Variants in HOOK3 observed in about 807,000 individuals in gnomAD.
The protein encoded by HOOK3 is protein Hook homolog 3.
Under a neutral mutation model 116.3 loss-of-function variants are expected in HOOK3, and 24 were observed. That is an observed-to-expected ratio of 0.21 (90% confidence interval 0.15 to 0.29). The LOEUF (loss-of-function observed/expected upper bound fraction) is 0.29, where lower values mean the gene tolerates loss of function less well. Ranked by LOEUF, HOOK3 falls within the 10% of genes least tolerant of loss-of-function variation. HOOK3 has a pLI of 1.00. For missense variants in HOOK3, 632 were observed against 830.2 expected (o/e 0.76, Z 2.93); for synonymous variants, 275 against 283.0 (o/e 0.97, Z 0.28).
chr8:43,009,390 CAA>C (rs915555326), intron 18 of HOOK3, among the ~76,000 whole-genome samples: 3 of 122,466 alleles, frequency 2.4e-5, no homozygotes, highest in Non-Finnish European at 1.7e-5. Context: ...AGACTGTCTC[CAA>C]AAAAAAAAAG....
intron 16 of HOOK3, chr8:42,997,986 C>A: frequency 4.1e-6 from 1 of 244,776 alleles, no homozygotes; most frequent in South Asian, 4.9e-5. Context: ...TTGGAGTGTT[C>A]AAGTAGAAAT....
In HOOK3 at chr8:43,029,439, C is replaced by T. The variant is rs921121204; in HGVS notation, c.*10941C>T. The stretch of plus-strand genomic sequence containing the variant: ...CTGGGATTACAGGCATGAGCCACTG[C>T]GCCCGGCCCAAATCTTTTATTTTTT... On this transcript the variant is annotated 3_prime_UTR_variant, in exon 22 of 22. Coordinates refer to ENST00000307602, the MANE Select transcript of HOOK3 (RefSeq NM_032410.4). 1.1e-5 allele frequency: 2 copies of T among 175,862 alleles called. No homozygotes were observed. Among genetic ancestry groups the T allele is most frequent in the Admixed American group, 6.3e-5 (1 of 15,768 alleles). The allele number at this position is 175,862 out of a possible 1,614,324, so 10.9% of individuals were successfully genotyped here.
chr8:42,940,613 G>C (rs1808095206), intron 4 of HOOK3, among the ~76,000 whole-genome samples: 1 of 152,206 alleles, frequency 6.6e-6, no homozygotes, highest in African/African-American at 2.4e-5. Context: ...TCTGCAGAGA[G>C]ATCTGCTGTT....
chr8:42,959,476 C>T (rs529164693), intron 8 of HOOK3, among the ~76,000 whole-genome samples, 162 bp downstream of exon 8: 9 of 151,996 alleles, frequency 5.9e-5, no homozygotes, highest in Admixed American at 2.0e-4. Context: ...CCCAGCACTT[C>T]GGGAGGCTGA....
chr8:42,934,375 A>G (rs1563294703), intron 4 of HOOK3, among the ~76,000 whole-genome samples: 1 of 151,776 alleles, frequency 6.6e-6, no homozygotes, highest in Non-Finnish European at 1.5e-5. Flanking sequence ...TTAATCATAG[A>G]TTTTTTTTAC....
intron 5 of HOOK3, among the ~76,000 whole-genome samples, chr8:42,945,083 T>C (rs1808201403): frequency 1.3e-5 from 2 of 152,126 alleles, no homozygotes; most frequent in Admixed American, 1.3e-4. Flanking sequence ...TCGCAGGCAA[T>C]CTCAAGGACT....
Position 42,906,207 on chromosome 8 carries a change from C to T in HOOK3, c.92C>T (p.Thr31Ile). The change falls in exon 2 of 22, where the codon ACC (threonine) becomes ATC (isoleucine). Residue 31 changes from threonine to isoleucine, a missense_variant. Thr to Ile is a moderately conservative substitution (Grantham distance 89). This residue lies in a region of HOOK3 where 141 missense variants were observed against 150.8 expected (regional missense o/e 0.93). Coordinates refer to ENST00000307602, the MANE Select transcript of HOOK3 (RefSeq NM_032410.4). ...QTFNVDAPCQ[T>I]VEDLTNGVVM... ...TTTAATGTGGATGCACCATGCCAGA[C>T]CGTGGAAGATTTAACGAATGGGGTT... 1 of 1,486,222 alleles carries T rather than the reference C, an allele frequency of 6.7e-7. No homozygotes were observed. Among genetic ancestry groups the T allele is most frequent in the South Asian group, 1.1e-5 (1 of 89,444 alleles). The allele number at this position is 1,486,222 out of a possible 1,614,324, so 92.1% of individuals were successfully genotyped here.
chr8:42,937,234 T>G (rs1807988778), intron 4 of HOOK3, among the ~76,000 whole-genome samples: 1 of 152,132 alleles, frequency 6.6e-6, no homozygotes, highest in Non-Finnish European at 1.5e-5. Context: ...AGTGGTGATA[T>G]CCTATTTATC....
chr8:42,986,294 T>C (rs1475817688), intron 14 of HOOK3, among the ~76,000 whole-genome samples: 3 of 151,828 alleles, frequency 2.0e-5, no homozygotes, highest in African/African-American at 2.4e-5. Context: ...CACCAAATGA[T>C]TGATAATTTA....
intron 2 of HOOK3, among the ~76,000 whole-genome samples, chr8:42,915,422 T>C (rs1807511330): frequency 6.6e-6 from 1 of 152,002 alleles, no homozygotes; most frequent in Admixed American, 6.6e-5. Flanking sequence ...ATGTAGATAT[T>C]GCCTGTTATT....
intron 11 of HOOK3, among the ~76,000 whole-genome samples, chr8:42,968,869 C>G (rs1808678534): frequency 6.6e-6 from 1 of 152,132 alleles, no homozygotes. Flanking sequence ...TCCCATTCGT[C>G]TCTCTATACT....
intron 15 of HOOK3, among the ~76,000 whole-genome samples, chr8:42,991,394 C>CTTTTTT (rs564333836): frequency 7.7e-6 from 1 of 129,660 alleles, no homozygotes; most frequent in African/African-American, 2.8e-5. Flanking sequence ...TAGTATGGAC[C>CTTTTTT]TTTTTTTTTT....
chr8:42,986,137 G>A (rs1809045907), intron 14 of HOOK3, among the ~76,000 whole-genome samples: 1 of 152,168 alleles, frequency 6.6e-6, no homozygotes, highest in African/African-American at 2.4e-5. Context: ...CTTAATGTAA[G>A]TTTTTGGCTT....
chr8:42,909,534 G>A (rs144846805), intron 2 of HOOK3, among the ~76,000 whole-genome samples: 1 of 152,338 alleles, frequency 6.6e-6, no homozygotes, highest in East Asian at 1.9e-4. Context: ...ATTGACCAGG[G>A]CTCACTGCAG....
chr8:42,996,740 C>T (rs73627278), intron 15 of HOOK3, among the ~76,000 whole-genome samples: 7,193 of 152,166 alleles, frequency 0.047, 342 homozygotes, highest in African/African-American at 0.12. Context: ...TCATTTCAAG[C>T]CCAGAGTATT....
chr8:43,020,692 C>A lies in HOOK3; in HGVS notation c.*2194C>A, dbSNP rs575427023. On this transcript the variant is annotated 3_prime_UTR_variant, in exon 22 of 22. Transcript: ENST00000307602. ...TCGCACCACTGCATTCCAGCCTGGG[C>A]GACAGAGTGAGACTCTGTCTCAATC... 5.7e-6 allele frequency: 1 copy of A among 175,300 alleles called. No individual in the cohort carries two copies. Among genetic ancestry groups the A allele is most frequent in the Non-Finnish European group, 1.2e-5 (1 of 81,560 alleles). The allele number at this position is 175,300 out of a possible 1,614,324, so 10.9% of individuals were successfully genotyped here. A position where few individuals can be genotyped will look rare whatever the true frequency, so the allele number is the denominator to read the frequency against.
chr8:42,938,698 T>TTTTA (rs57325956), intron 4 of HOOK3, among the ~76,000 whole-genome samples: 18,461 of 149,776 alleles, frequency 0.12, 1,334 homozygotes, highest in African/African-American at 0.19. Flanking sequence ...AATGCTTTTC[T>TTTTA]TTTATTTATT....
At chr8:42,942,671 CAA>C (rs1465556573) in intron 4 of HOOK3, among the ~76,000 whole-genome samples, 1 of 152,126 alleles carries the variant, frequency 6.6e-6, no homozygotes, top group Non-Finnish European at 1.5e-5. Flanking sequence ...GGAGACTTCT[CAA>C]ATGTTTTAAT....
chr8:42,989,089 G>A (rs1809106877), intron 15 of HOOK3, among the ~76,000 whole-genome samples: 1 of 152,170 alleles, frequency 6.6e-6, no homozygotes, highest in Non-Finnish European at 1.5e-5. Flanking sequence ...GAGCACTTTA[G>A]TGTATCTGTA....
Sources: gnomAD v4.1 joint callset for allele counts (sites outside exome capture counted in the v4.1 genomes callset) on GRCh38, gnomAD v4.1.1 for gene constraint, gnomAD v4.1.1 regional missense constraint, MANE v1.5 for transcripts, NCBI Gene and HGNC (gene_info 2026-07-23, HGNC 2026-07-21) for gene names.